The following ULK4 variants were observed in gnomAD, a reference collection of about 807,000 sequenced individuals.
The protein encoded by ULK4 is inactive serine/threonine-protein kinase ULK4.
In ULK4, 133 loss-of-function variants were observed where a neutral mutation model predicts 160.6. The observed-to-expected ratio is 0.83, with a 90% CI of 0.72 to 0.96. ULK4 has a LOEUF of 0.96. Among genes scored for constraint, ULK4 ranks in the 40% least tolerant of loss-of-function variants. ULK4 has a pLI of 0.00. For missense variants in ULK4, 1,580 were observed against 1,499.5 expected, an observed-to-expected ratio of 1.05 and a Z score of -0.89; for synonymous variants, 534 against 539.8, an observed-to-expected ratio of 0.99 and a Z score of 0.15.
At position 41,371,803 on chromosome 3, in the gene ULK4, T is replaced by A. The variant is rs1032032648; in HGVS notation, c.3678+26276A>T. Among the ~76,000 whole-genome samples, 4 of 152,164 alleles carry A rather than the reference T, an allele frequency of 2.6e-5. No individual in the cohort carries two copies. In the East Asian group the frequency reaches 5.8e-4, roughly 22 times the overall value. On this transcript the variant is annotated intron_variant, in intron 35 of 36. Transcript: ENST00000301831. ...CTGGATGGAGAACGAGTTTGATGAA[T>A]TGACAGAAGTAGGCTTCAGAAGGTG...
intron 21 of ULK4, among the ~76,000 whole-genome samples, chr3:41,757,157 AG>A (rs1279068330): frequency 6.6e-6 from 1 of 152,190 alleles, no homozygotes. Flanking sequence ...AGAAAGTAAG[AG>A]TCCTAGAAAC....
At chr3:41,606,145 G>C (rs1335239872) in intron 31 of ULK4, among the ~76,000 whole-genome samples, 1 of 151,892 alleles carries the variant, frequency 6.6e-6, no homozygotes, top group Non-Finnish European at 1.5e-5. Context: ...TGAAAAAACA[G>C]AGAAGTCTCA....
intron 35 of ULK4, among the ~76,000 whole-genome samples, chr3:41,306,554 C>T (rs1187274583): frequency 1.3e-5 from 2 of 150,824 alleles, no homozygotes; most frequent in Non-Finnish European, 3.0e-5. Context: ...GGCCAGCCAC[C>T]CCGTCCGGGA....
intron 32 of ULK4, among the ~76,000 whole-genome samples, chr3:41,492,417 C>T (rs1473138023): frequency 2.6e-5 from 4 of 151,712 alleles, no homozygotes; most frequent in African/African-American, 9.7e-5. Flanking sequence ...TAAAAGAGCT[C>T]CTGAAGGAAG....
intron 32 of ULK4, among the ~76,000 whole-genome samples, chr3:41,489,319 TG>T: frequency 6.6e-6 from 1 of 152,228 alleles, no homozygotes; most frequent in Non-Finnish European, 1.5e-5. Flanking sequence ...CTCACTGCCC[TG>T]CTGGATTTCC....
chr3:41,599,565 CTTTT>C (rs200055034), intron 31 of ULK4, among the ~76,000 whole-genome samples: 3 of 130,758 alleles, frequency 2.3e-5, no homozygotes, highest in African/African-American at 2.9e-5. Flanking sequence ...TTTTCTTTTT[CTTTT>C]TTTTTTTTTT....
chr3:41,920,446 T>C (rs983963216), intron 5 of ULK4, among the ~76,000 whole-genome samples: 1 of 152,210 alleles, frequency 6.6e-6, no homozygotes, highest in African/African-American at 2.4e-5. Flanking sequence ...ATATACTTTA[T>C]ACAAAGTTTA....
intron 22 of ULK4, among the ~76,000 whole-genome samples, chr3:41,741,239 C>A (rs1331926642): frequency 1.3e-5 from 2 of 151,832 alleles, no homozygotes; most frequent in Non-Finnish European, 2.9e-5. Context: ...CCATCACATC[C>A]TCCTCAGATA....
intron 32 of ULK4, among the ~76,000 whole-genome samples, chr3:41,467,615 A>G (rs1173714314): frequency 6.6e-6 from 1 of 152,214 alleles, no homozygotes; most frequent in African/African-American, 2.4e-5. Context: ...ATATAGTGGA[A>G]TATCACTTAG....
intron 32 of ULK4, among the ~76,000 whole-genome samples, chr3:41,475,016 C>T (rs2084097337): frequency 1.3e-5 from 2 of 152,062 alleles, no homozygotes; most frequent in African/African-American, 4.8e-5. Context: ...TTGAAATCAA[C>T]ACATTGAAGA....
intron 5 of ULK4, among the ~76,000 whole-genome samples, chr3:41,925,599 G>A (rs1199516993): frequency 6.6e-6 from 1 of 152,148 alleles, no homozygotes; most frequent in Non-Finnish European, 1.5e-5. Context: ...GGAGTCACAT[G>A]GTCAGGCTCA....
intron 35 of ULK4, among the ~76,000 whole-genome samples, chr3:41,358,663 CTG>C (rs2081073421): frequency 6.6e-6 from 1 of 152,158 alleles, no homozygotes; most frequent in South Asian, 2.1e-4. Flanking sequence ...TGCATCACGA[CTG>C]GAGTGAGCAG....
intron 19 of ULK4, among the ~76,000 whole-genome samples, chr3:41,819,089 C>T (rs1369849829): frequency 1.3e-5 from 2 of 152,212 alleles, no homozygotes; most frequent in African/African-American, 4.8e-5. Flanking sequence ...TCGCTGCATA[C>T]ACCTTGCTTA....
intron 17 of ULK4, among the ~76,000 whole-genome samples, chr3:41,842,038 A>G (rs1575810204): frequency 6.6e-6 from 1 of 151,090 alleles, no homozygotes; most frequent in South Asian, 2.1e-4. Flanking sequence ...AAAACCAGAG[A>G]CCTTTGTTCA....
intron 34 of ULK4, among the ~76,000 whole-genome samples, chr3:41,407,396 T>C (rs1157631019): frequency 6.6e-6 from 1 of 152,034 alleles, no homozygotes; most frequent in African/African-American, 2.4e-5. Context: ...CAGACAAAGA[T>C]AGTACAAAAA....
At chr3:41,738,092 CTA>C (rs1433475594) in intron 22 of ULK4, among the ~76,000 whole-genome samples, 1 of 151,852 alleles carries the variant, frequency 6.6e-6, no homozygotes, top group Non-Finnish European at 1.5e-5. Context: ...GTGATAATAT[CTA>C]TCATTCCCAT....
chr3:41,671,362 A>C (rs1328610356), intron 29 of ULK4, among the ~76,000 whole-genome samples: 1 of 152,198 alleles, frequency 6.6e-6, no homozygotes, highest in African/African-American at 2.4e-5. Flanking sequence ...TATAGTAACC[A>C]AAACAGCATG....
chr3:41,499,610 A>C (rs1457971308), intron 32 of ULK4, among the ~76,000 whole-genome samples: 1 of 152,180 alleles, frequency 6.6e-6, no homozygotes, highest in Non-Finnish European at 1.5e-5. Context: ...TTTTTTGTCC[A>C]ATTTTGACTT....
At position 41,475,913 on chromosome 3, in the gene ULK4, G is replaced by A. The variant is rs560537961; in HGVS notation, c.3227-12660C>T. On this transcript the variant is annotated intron_variant, in intron 32 of 36. Transcript: ENST00000301831. ...GGAGGGAAGAAAAGAGGAAGGGAAG[G>A]AGTGAGGGAAGGAGCGAAGGAAGGA... 3.3e-5 allele frequency among the ~76,000 whole-genome samples: 5 copies of A among 151,286 alleles called. No individual in the cohort carries two copies. The South Asian group carries it at 1.1e-3, about 32-fold the overall frequency.
Sources: allele counts gnomAD v4.1 joint callset (sites outside exome capture counted in the v4.1 genomes callset), GRCh38; gene constraint gnomAD v4.1.1; transcripts MANE v1.5; gene names NCBI Gene and HGNC (gene_info 2026-07-23, HGNC 2026-07-21).